The following GRIP1 variants were observed in gnomAD, a reference collection of about 807,000 sequenced individuals.
The protein encoded by GRIP1 is glutamate receptor interacting protein 1.
Under a neutral mutation model 129.9 loss-of-function variants are expected in GRIP1, and 45 were observed. The ratio of observed to expected loss-of-function variants is 0.35; its 90% CI spans 0.27 to 0.44. The LOEUF is 0.44. Among genes scored for constraint, GRIP1 ranks in the 20% least tolerant of loss-of-function variants. GRIP1 has a pLI of 1.00. For synonymous variants in GRIP1, 530 were observed against 520.8 expected (o/e 1.02, Z -0.24); for missense variants, 1,196 against 1,396.8 (o/e 0.86, Z 2.29).
chr12:66,467,240 A>G (rs2059311050), intron 7 of GRIP1, among the ~76,000 whole-genome samples: 1 of 152,266 alleles, frequency 6.6e-6, no homozygotes, highest in Admixed American at 6.5e-5. Flanking sequence ...GCTCTGGGGT[A>G]TTACAACTAC....
chr12:66,764,365 C>A (rs1434326828), intron 1 of GRIP1, among the ~76,000 whole-genome samples: 2 of 152,204 alleles, frequency 1.3e-5, no homozygotes, highest in Admixed American at 6.5e-5. Flanking sequence ...ACGTTCATAT[C>A]AGCCAAGTGC....
chr12:66,856,943 A>G lies in GRIP1; in HGVS notation c.58+212107T>C, dbSNP rs377726120. On this transcript the variant is annotated intron_variant, in intron 1 of 1. Transcript: ENST00000643019. Reference sequence around the variant, plus strand: ...GCACACATATGTTTATTGCGGCACTATTCACAATAGCAAAGACTTGGAACC... The same window carrying G: ...GCACACATATGTTTATTGCGGCACTGTTCACAATAGCAAAGACTTGGAACC... 1.4e-4 allele frequency among the ~76,000 whole-genome samples: 21 copies of G among 152,310 alleles called. No individual in the cohort carries two copies. The East Asian group carries it at 2.1e-3, about 15-fold the overall frequency.
At chr12:66,916,183 TG>T (rs2041118512) in intron 1 of GRIP1, among the ~76,000 whole-genome samples, 1 of 152,232 alleles carries the variant, frequency 6.6e-6, no homozygotes, top group Non-Finnish European at 1.5e-5. Context: ...ATGGCAAGTA[TG>T]TTTTTAAAAA....
At chr12:66,971,034 T>C (rs557530852) in intron 1 of GRIP1, among the ~76,000 whole-genome samples, 2 of 152,318 alleles carry the variant, frequency 1.3e-5, no homozygotes, top group Middle Eastern at 3.4e-3. Flanking sequence ...GTAAAATCCA[T>C]GTACGTGTGA....
chr12:66,670,131 C>G (rs1433772846), intron 1 of GRIP1, among the ~76,000 whole-genome samples: 1 of 152,100 alleles, frequency 6.6e-6, no homozygotes, highest in Admixed American at 6.6e-5. Flanking sequence ...TGAAAGAAGA[C>G]AAGTAACAGA....
intron 1 of GRIP1, among the ~76,000 whole-genome samples, chr12:67,061,093 CTTGAG>C (rs749342509): frequency 2.0e-5 from 3 of 152,170 alleles, no homozygotes; most frequent in Non-Finnish European, 2.9e-5. Flanking sequence ...TGTTGCATTA[CTTGAG>C]TTATTTTGTT....
chr12:67,024,614 C>T (rs1481504851), intron 1 of GRIP1, among the ~76,000 whole-genome samples: 2 of 152,076 alleles, frequency 1.3e-5, no homozygotes, highest in East Asian at 3.9e-4. Context: ...TATTTGTGTT[C>T]TAAATGCAAA....
At chr12:66,726,202 T>A (rs1174478681) in intron 1 of GRIP1, among the ~76,000 whole-genome samples, 1 of 152,066 alleles carries the variant, frequency 6.6e-6, no homozygotes, top group African/African-American at 2.4e-5. Context: ...TGTTTTATGA[T>A]CCATGAGTTA....
intron 1 of GRIP1, among the ~76,000 whole-genome samples, chr12:66,938,509 A>G (rs1289104685): frequency 2.0e-5 from 3 of 152,224 alleles, no homozygotes; most frequent in African/African-American, 7.2e-5. Flanking sequence ...TGGAGGCCAG[A>G]ATTATATTTC....
intron 1 of GRIP1, among the ~76,000 whole-genome samples, chr12:66,995,748 T>C (rs1339083010): frequency 1.3e-5 from 2 of 152,196 alleles, no homozygotes; most frequent in Non-Finnish European, 2.9e-5. Flanking sequence ...GTACAACTGC[T>C]TTGGAAAACA....
At chr12:66,621,426 T>C (rs1052465980) in intron 1 of GRIP1, among the ~76,000 whole-genome samples, 2 of 152,156 alleles carry the variant, frequency 1.3e-5, no homozygotes, top group African/African-American at 4.8e-5. Context: ...CATTTCAAGA[T>C]GTATCAAACT....
At chr12:66,385,695 C>T (rs369475283) in intron 19 of GRIP1, among the ~76,000 whole-genome samples, 19 of 152,142 alleles carry the variant, frequency 1.2e-4, no homozygotes, top group East Asian at 7.7e-4. Flanking sequence ...CTGTAACCTC[C>T]ACTTCCCAGG....
At chr12:66,529,794 A>G (rs371853373) in intron 5 of GRIP1, 37 bp downstream of exon 5, 1 of 1,104,230 alleles carries the variant, frequency 9.1e-7, no homozygotes, top group African/African-American at 1.5e-5. Context: ...CTATGGAAAT[A>G]TTTTTTTTAA....
chr12:66,797,058 A>G (rs894649251), intron 1 of GRIP1, among the ~76,000 whole-genome samples: 3 of 152,146 alleles, frequency 2.0e-5, no homozygotes, highest in Non-Finnish European at 2.9e-5. Context: ...TTTTGGTTGT[A>G]AGATTATGTA....
intron 7 of GRIP1, among the ~76,000 whole-genome samples, chr12:66,482,191 T>C (rs953417274): frequency 6.6e-6 from 1 of 152,158 alleles, no homozygotes; most frequent in African/African-American, 2.4e-5. Flanking sequence ...AGAAGGTGCC[T>C]GATGCTCCCT....
intron 1 of GRIP1, among the ~76,000 whole-genome samples, chr12:66,762,129 G>T (rs1338656618): frequency 2.6e-5 from 4 of 152,168 alleles, no homozygotes; most frequent in African/African-American, 9.7e-5. Context: ...CCATGGTTTT[G>T]CTCTTCCCAT....
intron 1 of GRIP1, among the ~76,000 whole-genome samples, chr12:67,063,837 T>C (rs760724373): frequency 2.0e-5 from 3 of 152,170 alleles, no homozygotes; most frequent in Non-Finnish European, 4.4e-5. Context: ...AGCCTCTTTG[T>C]TTGACCACTG....
chr12:66,529,765 C>A, intron 5 of GRIP1, 66 bp downstream of exon 5: 1 of 896,670 alleles, frequency 1.1e-6, no homozygotes, highest in Non-Finnish European at 1.9e-6. Flanking sequence ...TACCCAAATA[C>A]CACCTGTTCT....
chr12:66,530,613 A>G (rs908791510), intron 4 of GRIP1, among the ~76,000 whole-genome samples: 1 of 152,166 alleles, frequency 6.6e-6, no homozygotes, highest in Admixed American at 6.5e-5. Flanking sequence ...CTCTAGTCAC[A>G]TTACATACAT....
Sources: allele counts gnomAD v4.1 joint callset (sites outside exome capture counted in the v4.1 genomes callset), GRCh38; gene constraint gnomAD v4.1.1; transcripts MANE v1.5; gene names NCBI Gene and HGNC (gene_info 2026-07-23, HGNC 2026-07-21).